Variants in ZBTB20 observed in about 807,000 individuals in gnomAD.
ZBTB20 encodes zinc finger and BTB domain containing 20.
In ZBTB20, 9 loss-of-function variants were observed where a neutral mutation model predicts 56.9. That is an observed-to-expected ratio of 0.16 (90% confidence interval 0.10 to 0.28). The LOEUF (loss-of-function observed/expected upper bound fraction) is 0.28, where lower values mean the gene tolerates loss of function less well. ZBTB20 is among the 10% of genes least tolerant of loss of function. The pLI, the probability that ZBTB20 is intolerant of heterozygous loss-of-function variation, is 1.00. For missense variants in ZBTB20, 655 were observed against 1,003.0 expected (o/e 0.65, Z 4.69); for synonymous variants, 417 against 420.7 (o/e 0.99, Z 0.11).
At chr3:114,900,764 ATGT>A (rs1246111764) in intron 3 of ZBTB20, 4 of 152,106 alleles carry the variant, frequency 2.6e-5, no homozygotes, top group African/African-American at 9.7e-5. Context: ...TTTGGATAGA[ATGT>A]TGTTAAGGAA....
intron 6 of ZBTB20, among the ~76,000 whole-genome samples, chr3:114,530,557 G>GA (rs1311091999): frequency 3.3e-5 from 5 of 152,148 alleles, no homozygotes; most frequent in African/African-American, 1.2e-4. Flanking sequence ...ACTACATTTT[G>GA]AAAAGTTAAA....
intron 8 of ZBTB20, among the ~76,000 whole-genome samples, chr3:114,382,068 C>G (rs996229063): frequency 2.6e-5 from 4 of 152,194 alleles, no homozygotes; most frequent in Non-Finnish European, 2.9e-5. Flanking sequence ...AAAACCAATG[C>G]TTTCTCTAAG....
intron 5 of ZBTB20, among the ~76,000 whole-genome samples, chr3:114,741,813 G>A (rs551321491): frequency 1.1e-4 from 16 of 151,526 alleles, no homozygotes; most frequent in South Asian, 6.3e-4. Flanking sequence ...CCTTGGAGGC[G>A]GAGGTTGCAG....
At position 114,549,752 on chromosome 3, in the gene ZBTB20, C is replaced by CT. The variant is rs941074719; in HGVS notation, c.-294-49362dup. ...CACAGAGTTACAAGTTGACCTTTTT[C>CT]TTTTTTTTTTTTTTTTGACTGATGC... On this transcript the variant is annotated intron_variant, in intron 6 of 11. Coordinates refer to ENST00000675478, the MANE Select transcript of ZBTB20 (RefSeq NM_001348800.3). Among the ~76,000 whole-genome samples the CT allele has an allele frequency of 9.0e-3, 1,164 of 128,928 alleles. 12 individuals carry two copies. The highest frequency in any genetic ancestry group is 0.02 in the African/African-American group (708 of 35,308). The allele number at this position is 128,928 out of a possible 152,430, so 84.6% of individuals were successfully genotyped here. A position where few individuals can be genotyped will look rare whatever the true frequency, so the allele number is the denominator to read the frequency against.
intron 2 of ZBTB20, among the ~76,000 whole-genome samples, chr3:115,005,186 G>T (rs535556560): frequency 1.3e-5 from 2 of 151,884 alleles, no homozygotes; most frequent in South Asian, 4.1e-4. Flanking sequence ...TTAATAGAAT[G>T]TGGCTGAACC....
intron 1 of ZBTB20, among the ~76,000 whole-genome samples, chr3:115,144,260 T>C (rs1250350043): frequency 2.0e-5 from 3 of 152,200 alleles, no homozygotes; most frequent in Non-Finnish European, 4.4e-5. Flanking sequence ...GTAGCTTTTA[T>C]TGCCCTTCTA....
chr3:114,940,061 G>A (rs2076674672), intron 3 of ZBTB20, among the ~76,000 whole-genome samples: 1 of 135,392 alleles, frequency 7.4e-6, no homozygotes, highest in African/African-American at 3.5e-5. Context: ...TATCTTCTGT[G>A]TATGTAAGTA....
At chr3:114,915,021 T>G (rs1304623614) in intron 3 of ZBTB20, among the ~76,000 whole-genome samples, 1 of 151,438 alleles carries the variant, frequency 6.6e-6, no homozygotes, top group Non-Finnish European at 1.5e-5. Flanking sequence ...GCCTGTGGTT[T>G]TCTTTGTTTT....
intron 3 of ZBTB20, among the ~76,000 whole-genome samples, chr3:114,936,258 A>G (rs2076530826): frequency 6.6e-6 from 1 of 152,232 alleles, no homozygotes. Flanking sequence ...ACACTGATGC[A>G]TGCACACATG....
At chr3:114,696,016 T>C (rs187058940) in intron 5 of ZBTB20, among the ~76,000 whole-genome samples, 16 of 152,184 alleles carry the variant, frequency 1.1e-4, no homozygotes, top group African/African-American at 3.9e-4. Context: ...ATTAAATATA[T>C]ATATACTAGC....
intron 4 of ZBTB20, among the ~76,000 whole-genome samples, chr3:114,845,543 C>A (rs1007705504): frequency 6.6e-6 from 1 of 151,560 alleles, no homozygotes; most frequent in African/African-American, 2.4e-5. Flanking sequence ...CTATATGAAC[C>A]CCTGCAAATA....
At chr3:114,711,956 T>G (rs1429767860) in intron 5 of ZBTB20, among the ~76,000 whole-genome samples, 1 of 152,242 alleles carries the variant, frequency 6.6e-6, no homozygotes, top group Non-Finnish European at 1.5e-5. Context: ...AAACTCATCG[T>G]GAAGGACCAT....
intron 6 of ZBTB20, among the ~76,000 whole-genome samples, chr3:114,532,429 CCT>C (rs2047956229): frequency 6.6e-6 from 1 of 152,170 alleles, no homozygotes; most frequent in Non-Finnish European, 1.5e-5. Flanking sequence ...AGAAAGACTG[CCT>C]CTCTAGATTT....
At chr3:114,603,095 T>C (rs1352180260) in intron 6 of ZBTB20, among the ~76,000 whole-genome samples, 5 of 152,042 alleles carry the variant, frequency 3.3e-5, no homozygotes, top group Non-Finnish European at 7.4e-5. Flanking sequence ...CAATAAATAA[T>C]GTTATTAACT....
chr3:115,145,938 T>A (rs1009360235), intron 1 of ZBTB20, among the ~76,000 whole-genome samples: 3 of 152,180 alleles, frequency 2.0e-5, no homozygotes, highest in Non-Finnish European at 4.4e-5. Flanking sequence ...CCTCTATAAT[T>A]TTTTTAGCTG....
Position 114,836,839 on chromosome 3 carries a change from C to A in ZBTB20, c.-416-35665G>T, listed in dbSNP as rs2074143322. On this transcript the variant is annotated intron_variant, in intron 4 of 11. Coordinates refer to ENST00000675478, the MANE Select transcript of ZBTB20 (RefSeq NM_001348800.3). ...AACAGAAGCTAGAATTCTTGAAATG[C>A]AGGAAAGATGATATCATTCCTTTGG... 2.6e-5 allele frequency among the ~76,000 whole-genome samples: 4 copies of A among 152,130 alleles called. No individual in the cohort carries two copies. The South Asian group carries it at 6.2e-4, about 24-fold the overall frequency.
intron 6 of ZBTB20, among the ~76,000 whole-genome samples, chr3:114,636,761 C>G (rs1008303381): frequency 3.3e-5 from 5 of 151,942 alleles, no homozygotes; most frequent in Admixed American, 2.6e-4. Flanking sequence ...GACAAAGGAA[C>G]TACAAAACAA....
At chr3:114,901,301 CA>C (rs1189954537) in intron 3 of ZBTB20, among the ~76,000 whole-genome samples, 1 of 152,014 alleles carries the variant, frequency 6.6e-6, no homozygotes, top group Non-Finnish European at 1.5e-5. Context: ...AGCAAACGGA[CA>C]TGTTTAATTT....
intron 7 of ZBTB20, among the ~76,000 whole-genome samples, chr3:114,429,005 A>C (rs2089923378): frequency 6.6e-6 from 1 of 152,062 alleles, no homozygotes; most frequent in African/African-American, 2.4e-5. Context: ...TATACAAAAA[A>C]AGATACAGGG....
Sources: allele counts gnomAD v4.1 joint callset (sites outside exome capture counted in the v4.1 genomes callset), GRCh38; gene constraint gnomAD v4.1.1; transcripts MANE v1.5; gene names NCBI Gene and HGNC (gene_info 2026-07-23, HGNC 2026-07-21).